Variants in ASH1L observed in about 807,000 individuals in gnomAD.
ASH1L encodes ASH1 like histone lysine methyltransferase.
In ASH1L, 23 loss-of-function variants were observed where a neutral mutation model predicts 269.0. The ratio of observed to expected loss-of-function variants is 0.09; its 90% CI spans 0.06 to 0.12. ASH1L has a LOEUF of 0.12. ASH1L is among the 10% of genes least tolerant of loss of function. ASH1L has a pLI of 1.00. For synonymous variants in ASH1L, 1,187 were observed against 1,253.5 expected (o/e 0.95, Z 1.12); for missense variants, 2,912 against 3,567.8 (o/e 0.82, Z 4.68).
rs1665907814 is a variant in ASH1L at position 155,480,890 on chromosome 1, G to A, written c.1980C>T (p.Ser660=). The change falls in exon 3 of 28, where the codon TCC becomes TCT. Residue 660 remains serine, a synonymous_variant. Coordinates refer to ENST00000392403, the MANE Select transcript of ASH1L (RefSeq NM_018489.3). ...LGKKPSLTSE[S]SIHTITPSVV... ...CTGAAGGAGTAATAGTATGAATGCT[G>A]GATTCAGAAGTCAAACTTGGCTTTT... is the stretch of plus-strand genomic sequence containing the variant. 1.9e-6 allele frequency: 3 copies of A among 1,613,714 alleles called. No homozygotes were observed.
At chr1:155,372,283 T>TGC (rs1656025037) in intron 10 of ASH1L, among the ~76,000 whole-genome samples, 1 of 150,254 alleles carries the variant, frequency 6.7e-6, no homozygotes, top group Non-Finnish European at 1.5e-5. Context: ...TGAGCCACTG[T>TGC]GCCCAGCCAG....
chr1:155,542,683 T>C (rs1048366352), intron 1 of ASH1L, among the ~76,000 whole-genome samples: 9 of 7,126 alleles, frequency 1.3e-3, no homozygotes, highest in African/African-American at 1.4e-3. Context: ...ATTAATTAAT[T>C]TTTTTTTTTT....
At position 155,503,611 on chromosome 1, in the gene ASH1L, G is replaced by A. The variant is rs1667642603; in HGVS notation, c.420+17489C>T. On this transcript the variant is annotated intron_variant, in intron 2 of 27. Coordinates refer to ENST00000392403, the MANE Select transcript of ASH1L (RefSeq NM_018489.3). ...CTCTCAATTTAGGTCATTGATTTTA[G>A]AGAAACTAAAGCATTAGTATGCATA... 3.3e-5 allele frequency among the ~76,000 whole-genome samples: 5 copies of A among 152,094 alleles called. No individual in the cohort carries two copies. In the South Asian group the frequency reaches 1.0e-3, roughly 32 times the overall value.
intron 12 of ASH1L, among the ~76,000 whole-genome samples, chr1:155,366,183 C>CA (rs1389633357): frequency 6.6e-6 from 1 of 152,172 alleles, no homozygotes; most frequent in Non-Finnish European, 1.5e-5. Flanking sequence ...CAAAACCCAT[C>CA]AAAACTAAGA....
intron 2 of ASH1L, among the ~76,000 whole-genome samples, chr1:155,510,340 G>A (rs1338481884): frequency 1.3e-5 from 2 of 150,186 alleles, no homozygotes; most frequent in African/African-American, 2.5e-5. Flanking sequence ...CTTGAACCCG[G>A]GAGGCGGAGG....
chr1:155,345,599 G>A (rs1278802612), intron 21 of ASH1L, among the ~76,000 whole-genome samples: 4 of 129,704 alleles, frequency 3.1e-5, no homozygotes, highest in Non-Finnish European at 4.8e-5. Flanking sequence ...TTTTGAGACA[G>A]TGTCTTGCTC....
rs1652960253 is a variant in ASH1L, at chr1:155,343,211, G to C, written c.8293+103C>G. The stretch of plus-strand genomic sequence containing the variant: ...GGCCAGGCTGGTCTCACACTCCTGG[G>C]CTTAAGCAATCTGCCTGCCTCGGCC... On this transcript the variant is annotated intron_variant, in intron 24 of 27. Coordinates refer to ENST00000392403, the MANE Select transcript of ASH1L (RefSeq NM_018489.3). This position sits in a 1 kb window ranked among gnomAD's most constrained non-coding sequence, Gnocchi z 6.1. 7.5e-7 allele frequency: 1 copy of C among 1,338,054 alleles called. No homozygotes were observed. The highest frequency in any genetic ancestry group is 2.2e-5 in the Admixed American group (1 of 45,434). The allele number at this position is 1,338,054 out of a possible 1,614,324, so 82.9% of individuals were successfully genotyped here.
chr1:155,468,053 T>G (rs1460192336), intron 3 of ASH1L, among the ~76,000 whole-genome samples: 1 of 152,126 alleles, frequency 6.6e-6, no homozygotes, highest in Non-Finnish European at 1.5e-5. Flanking sequence ...AGCCAATTTT[T>G]TTCCACTCAT....
chr1:155,465,684 C>A (rs1399226869), intron 3 of ASH1L, among the ~76,000 whole-genome samples: 1 of 152,158 alleles, frequency 6.6e-6, no homozygotes, highest in African/African-American at 2.4e-5. Flanking sequence ...GATTTCTCTT[C>A]TTTCATTATT....
chr1:155,340,993 A>T (rs1652743776), intron 25 of ASH1L, among the ~76,000 whole-genome samples: 1 of 152,022 alleles, frequency 6.6e-6, no homozygotes, highest in Non-Finnish European at 1.5e-5. Flanking sequence ...TTGTTTTGAG[A>T]TGGAGTCTCG....
At chr1:155,488,077 G>T (rs889856089) in intron 2 of ASH1L, among the ~76,000 whole-genome samples, 37 of 151,436 alleles carry the variant, frequency 2.4e-4, no homozygotes, top group African/African-American at 8.5e-4. Context: ...AGTAAAGACG[G>T]GGTTTCACCA....
intron 22 of ASH1L, 65 bp downstream of exon 22, chr1:155,344,118 G>A: frequency 1.4e-6 from 2 of 1,391,044 alleles, no homozygotes; most frequent in Non-Finnish European, 2.0e-6. Flanking sequence ...GATGGAGACA[G>A]CAGAGACTTC....
At chr1:155,375,548 A>C (rs1308304370) in intron 10 of ASH1L, among the ~76,000 whole-genome samples, 1 of 152,104 alleles carries the variant, frequency 6.6e-6, no homozygotes, top group East Asian at 1.9e-4. Flanking sequence ...GCACTTTGGG[A>C]GGCTGAGGCA....
At chr1:155,441,236 T>C (rs575223988) in intron 4 of ASH1L, among the ~76,000 whole-genome samples, 1 of 152,208 alleles carries the variant, frequency 6.6e-6, no homozygotes, top group African/African-American at 2.4e-5. Flanking sequence ...AGAAATTCAA[T>C]AGAAGAATGT....
At chr1:155,551,968 T>C (rs1235181722) in intron 1 of ASH1L, among the ~76,000 whole-genome samples, 2 of 151,570 alleles carry the variant, frequency 1.3e-5, no homozygotes, top group East Asian at 3.9e-4. Context: ...AGGTTGAGAC[T>C]CCGTGTCAAA....
intron 1 of ASH1L, among the ~76,000 whole-genome samples, chr1:155,546,945 CTTTTT>C (rs71080709): frequency 3.8e-3 from 336 of 88,116 alleles, no homozygotes; most frequent in African/African-American, 0.015. Context: ...TCATCACATT[CTTTTT>C]TTTTTTTTTT....
chr1:155,396,315 CTTTTT>C (rs200366698), intron 6 of ASH1L: 1 of 151,754 alleles, frequency 6.6e-6, no homozygotes, highest in Non-Finnish European at 1.5e-5. Context: ...CCAATTAATT[CTTTTT>C]TTTGTTTTTT....
intron 10 of ASH1L, among the ~76,000 whole-genome samples, chr1:155,372,700 T>C (rs980920784): frequency 6.6e-6 from 1 of 151,596 alleles, no homozygotes; most frequent in Non-Finnish European, 1.5e-5. Context: ...AGCCTCGAAC[T>C]CCTTGGCTCA....
chr1:155,371,084 C>A (rs1272492285), intron 10 of ASH1L, 101 bp from the exon 11 acceptor site: 2 of 948,370 alleles, frequency 2.1e-6, no homozygotes, highest in African/African-American at 1.7e-5. Context: ...TACATGAAAT[C>A]AATTTTTATT....
Sources: gnomAD v4.1 joint callset for allele counts (sites outside exome capture counted in the v4.1 genomes callset) on GRCh38, gnomAD v4.1.1 for gene constraint, Gnocchi (gnomAD v3.1) non-coding constraint, MANE v1.5 for transcripts, NCBI Gene and HGNC (gene_info 2026-07-23, HGNC 2026-07-21) for gene names.